The following CERS6 variants were observed in gnomAD, a reference collection of about 807,000 sequenced individuals.
CERS6 encodes the protein LAG1 homolog, ceramide synthase 6.
CERS6 carries 26 observed loss-of-function variants against 56.8 expected under a neutral mutation model. The ratio of observed to expected loss-of-function variants is 0.46; its 90% CI spans 0.34 to 0.63. The LOEUF (loss-of-function observed/expected upper bound fraction) is 0.63. CERS6 is among the 30% of genes least tolerant of loss of function. The pLI is 0.01. For synonymous variants in CERS6, 164 were observed against 173.3 expected (o/e 0.95, Z 0.42); for missense variants, 415 against 467.5 (o/e 0.89, Z 1.04).
intron 6 of CERS6, among the ~76,000 whole-genome samples, chr2:168,708,382 A>G (rs143976138): frequency 1.2e-3 from 176 of 152,298 alleles, no homozygotes; most frequent in Non-Finnish European, 2.2e-3. Context: ...TGATCCCTAA[A>G]AAGAAAAGCA....
intron 8 of CERS6, among the ~76,000 whole-genome samples, chr2:168,753,522 T>A (rs545108392): frequency 1.3e-5 from 2 of 152,314 alleles, no homozygotes; most frequent in Admixed American, 6.5e-5. Context: ...ATTTTGAGCA[T>A]CTTACAATTC....
chr2:168,513,452 T>C (rs1694830922), intron 1 of CERS6, among the ~76,000 whole-genome samples: 1 of 152,198 alleles, frequency 6.6e-6, no homozygotes, highest in South Asian at 2.1e-4. Flanking sequence ...AAACTTTTCT[T>C]GTTTATGACT....
chr2:168,674,237 T>C (rs1685996445), intron 4 of CERS6, among the ~76,000 whole-genome samples: 1 of 152,224 alleles, frequency 6.6e-6, no homozygotes, highest in African/African-American at 2.4e-5. Context: ...ATGATGATTT[T>C]TTAGAATAGT....
intron 1 of CERS6, among the ~76,000 whole-genome samples, chr2:168,498,869 A>G (rs1694524994): frequency 6.6e-6 from 1 of 152,066 alleles, no homozygotes; most frequent in East Asian, 1.9e-4. Context: ...AAGAAAGCCT[A>G]ATTGTGGTTA....
chr2:168,518,649 T>A (rs1468838922), intron 1 of CERS6, among the ~76,000 whole-genome samples: 1 of 152,138 alleles, frequency 6.6e-6, no homozygotes, highest in African/African-American at 2.4e-5. Context: ...CGTGATCCCT[T>A]GGTTTCAACC....
chr2:168,768,219 TTTTTG>T (rs535683181), intron 9 of CERS6, among the ~76,000 whole-genome samples: 4 of 151,788 alleles, frequency 2.6e-5, no homozygotes, highest in Non-Finnish European at 5.9e-5. Flanking sequence ...GAGCCAGTTT[TTTTTG>T]TTTTGTTTTG....
intron 3 of CERS6, among the ~76,000 whole-genome samples, chr2:168,618,757 C>CA (rs1186973188): frequency 1.3e-5 from 2 of 152,206 alleles, no homozygotes; most frequent in African/African-American, 2.4e-5. Context: ...AAACACATCT[C>CA]ATGCTCATGG....
At chr2:168,463,487 G>C (rs4668066) in intron 1 of CERS6, among the ~76,000 whole-genome samples, 97,307 of 152,102 alleles carry the variant, frequency 0.64, 31,472 homozygotes, top group East Asian at 0.81. Context: ...TTTCCTAGAG[G>C]TGGCATTTCT....
chr2:168,467,509 T>A (rs1303788915), intron 1 of CERS6, among the ~76,000 whole-genome samples: 2 of 152,216 alleles, frequency 1.3e-5, no homozygotes, highest in Admixed American at 6.5e-5. Context: ...TTTGTATATC[T>A]ATTGCAATTA....
chr2:168,485,822 G>A (rs143950301), intron 1 of CERS6, among the ~76,000 whole-genome samples: 187 of 152,286 alleles, frequency 1.2e-3, no homozygotes, highest in Non-Finnish European at 2.4e-3. Context: ...GTAGGTTTTT[G>A]TGAACATAAG....
At chr2:168,543,135 T>C (rs1254134614) in intron 1 of CERS6, among the ~76,000 whole-genome samples, 1 of 152,336 alleles carries the variant, frequency 6.6e-6, no homozygotes, top group East Asian at 1.9e-4. Flanking sequence ...GTGTCTTAGG[T>C]TTCTTCTCTG....
intron 4 of CERS6, among the ~76,000 whole-genome samples, chr2:168,648,306 G>A (rs532299661): frequency 4.6e-5 from 7 of 152,146 alleles, no homozygotes; most frequent in South Asian, 2.1e-4. Flanking sequence ...GTTTGTGTGC[G>A]CAAAGGTGTT....
At chr2:168,499,158 T>C (rs1005020325) in intron 1 of CERS6, among the ~76,000 whole-genome samples, 2 of 152,156 alleles carry the variant, frequency 1.3e-5, no homozygotes, top group Non-Finnish European at 2.9e-5. Flanking sequence ...ACCCCTATGG[T>C]CAAGGGACTT....
chr2:168,774,412 A>G lies in CERS6; in HGVS notation c.*4750A>G, dbSNP rs549419979. The G allele has an allele frequency of 1.3e-5, 2 of 152,292 alleles. No homozygotes were observed. Among genetic ancestry groups the G allele is most frequent in the South Asian group, 4.1e-4 (2 of 4,828 alleles). 9.4% of individuals were successfully genotyped at this position (152,292 alleles called of 1,614,324 possible). A position where few individuals can be genotyped will look rare whatever the true frequency, so the allele number is the denominator to read the frequency against. ...TCTCTGCCTAATTCCGTTTTTCTGG[A>G]AAAAGTAGTATGCCCATGTATGTGT... is the stretch of plus-strand genomic sequence containing the variant. On this transcript the variant is annotated 3_prime_UTR_variant, in exon 10 of 10. Coordinates refer to ENST00000305747, the MANE Select transcript of CERS6 (RefSeq NM_203463.3).
chr2:168,647,866 T>TG (rs1446031237), intron 4 of CERS6, among the ~76,000 whole-genome samples: 3 of 152,196 alleles, frequency 2.0e-5, no homozygotes, highest in Non-Finnish European at 2.9e-5. Flanking sequence ...GAAGCCTACT[T>TG]GATCATGATG....
chr2:168,513,707 T>C (rs998069597), intron 1 of CERS6, among the ~76,000 whole-genome samples: 3 of 152,202 alleles, frequency 2.0e-5, no homozygotes, highest in Admixed American at 2.0e-4. Flanking sequence ...CGCCTCCCTT[T>C]CCATACTACA....
chr2:168,716,628 C>T (rs183691472), intron 7 of CERS6, among the ~76,000 whole-genome samples: 86 of 152,146 alleles, frequency 5.7e-4, no homozygotes, highest in Non-Finnish European at 2.6e-4. Flanking sequence ...ATGGCCTAGA[C>T]GTTTCTGAAA....
intron 1 of CERS6, among the ~76,000 whole-genome samples, chr2:168,531,808 G>A (rs562617086): frequency 7.4e-5 from 11 of 147,798 alleles, no homozygotes; most frequent in Non-Finnish European, 4.5e-5. Context: ...GCAACAGAGC[G>A]AGACTCTGTC....
intron 4 of CERS6, among the ~76,000 whole-genome samples, chr2:168,675,619 C>G (rs115782658): frequency 0.056 from 8,547 of 151,994 alleles, 349 homozygotes; most frequent in Middle Eastern, 0.082. Flanking sequence ...AGGACAACAA[C>G]AACAACAACA....
Sources: gnomAD v4.1 joint callset for allele counts (sites outside exome capture counted in the v4.1 genomes callset) on GRCh38, gnomAD v4.1.1 for gene constraint, MANE v1.5 for transcripts, NCBI Gene and HGNC (gene_info 2026-07-23, HGNC 2026-07-21) for gene names.